RAPGEF5: variants seen among roughly 807,000 people sequenced by gnomAD.
RAPGEF5 encodes the protein M-Ras-regulated GEF.
Under a neutral mutation model 125.2 loss-of-function variants are expected in RAPGEF5, and 65 were observed. The observed-to-expected ratio is 0.52, with a 90% CI of 0.43 to 0.64. The LOEUF (loss-of-function observed/expected upper bound fraction) is 0.64, where lower values mean the gene tolerates loss of function less well. Ranked by LOEUF, RAPGEF5 falls within the 30% of genes least tolerant of loss-of-function variation. The probability of loss-of-function intolerance (pLI) is 0.00; values close to 1 mark genes in which losing one functional copy is unlikely to be tolerated. For synonymous variants in RAPGEF5, 391 were observed against 385.9 expected (o/e 1.01, Z -0.16); for missense variants, 958 against 1,048.1 (o/e 0.91, Z 1.19).
At chr7:22,145,265 G>C in intron 19 of RAPGEF5, 43 bp from the exon 20 acceptor site, 1 of 1,544,736 alleles carries the variant, frequency 6.5e-7, no homozygotes, top group East Asian at 2.3e-5. Flanking sequence ...TTATAGCAAA[G>C]TATGGTTGAT....
rs926940618 is a variant in RAPGEF5, at chr7:22,265,243, T to A, written c.796+1721A>T. ...CCGTCTAACTATACTTTTGTACCCA[T>A]TAACCAACTCTTCATCCCTCCTACC... On this transcript the variant is annotated intron_variant, in intron 7 of 25. Coordinates refer to ENST00000665637, the MANE Select transcript of RAPGEF5 (RefSeq NM_012294.5). Among the ~76,000 whole-genome samples the A allele has an allele frequency of 8.0e-5, 12 of 150,116 alleles. No homozygotes were observed. The Admixed American group carries it at 8.0e-4, about 10-fold the overall frequency.
chr7:22,289,741 T>C (rs1484366887), intron 6 of RAPGEF5, among the ~76,000 whole-genome samples: 1 of 152,210 alleles, frequency 6.6e-6, no homozygotes, highest in Non-Finnish European at 1.5e-5. Flanking sequence ...TCATCTTGGA[T>C]TGTAATCCCC....
intron 1 of RAPGEF5, among the ~76,000 whole-genome samples, chr7:22,355,226 A>G (rs1301792080): frequency 1.3e-5 from 2 of 152,246 alleles, no homozygotes; most frequent in African/African-American, 4.8e-5. Flanking sequence ...ATTCAGAGTA[A>G]TTAAAAAATA....
intron 24 of RAPGEF5, 35 bp from the exon 25 acceptor site, chr7:22,125,693 G>A: frequency 1.9e-6 from 3 of 1,556,954 alleles, no homozygotes; most frequent in Non-Finnish European, 2.7e-6. Flanking sequence ...TCAATGGAAG[G>A]GTCGTTGAGG....
At chr7:22,301,021 G>A (rs552315704) in intron 5 of RAPGEF5, among the ~76,000 whole-genome samples, 1 of 152,294 alleles carries the variant, frequency 6.6e-6, no homozygotes, top group Non-Finnish European at 1.5e-5. Flanking sequence ...AAAAGAAACG[G>A]AAAGGGAAAA....
At chr7:22,212,059 C>T (rs925815012) in intron 9 of RAPGEF5, among the ~76,000 whole-genome samples, 3 of 151,590 alleles carry the variant, frequency 2.0e-5, no homozygotes, top group African/African-American at 4.9e-5. Context: ...CACCGCCTCC[C>T]GGATTCACGC....
At position 22,357,128 on chromosome 7, in the gene RAPGEF5, T is replaced by C; in HGVS notation, c.-68A>G. On this transcript the variant is annotated 5_prime_UTR_variant, in exon 1 of 26. Transcript: ENST00000665637. ...CTCGCCTCCGCGCGCCGTCCGCGCC[T>C]TCGCCAGGAAGCGAGAGGGCGCGAC... is the stretch of plus-strand genomic sequence containing the variant. The C allele has an allele frequency of 1.1e-6, 1 of 882,976 alleles. No homozygotes were observed. The highest frequency in any genetic ancestry group is 1.4e-6 in the Non-Finnish European group (1 of 731,432). The allele number at this position is 882,976 out of a possible 1,614,324, so 54.7% of individuals were successfully genotyped here.
intron 1 of RAPGEF5, among the ~76,000 whole-genome samples, chr7:22,328,465 C>T (rs1050931870): frequency 6.6e-6 from 1 of 152,180 alleles, no homozygotes; most frequent in African/African-American, 2.4e-5. Flanking sequence ...AGTGTAACAA[C>T]CTGCCATCAC....
chr7:22,198,650 A>G (rs1359908672), intron 9 of RAPGEF5, among the ~76,000 whole-genome samples: 1 of 152,228 alleles, frequency 6.6e-6, no homozygotes, highest in Non-Finnish European at 1.5e-5. Flanking sequence ...GCCATATGCA[A>G]CAAACAGAAC....
intron 7 of RAPGEF5, among the ~76,000 whole-genome samples, chr7:22,247,722 C>G (rs1048029528): frequency 6.6e-6 from 1 of 150,770 alleles, no homozygotes; most frequent in African/African-American, 2.4e-5. Flanking sequence ...TAAAACCAAC[C>G]TAGAGACCCA....
At chr7:22,325,029 T>C (rs1783786513) in intron 1 of RAPGEF5, among the ~76,000 whole-genome samples, 1 of 152,188 alleles carries the variant, frequency 6.6e-6, no homozygotes, top group African/African-American at 2.4e-5. Flanking sequence ...TCCCCCTCCA[T>C]GCCTGAGCCC....
At chr7:22,342,798 A>T (rs374811104) in intron 1 of RAPGEF5, among the ~76,000 whole-genome samples, 35 of 152,288 alleles carry the variant, frequency 2.3e-4, no homozygotes, top group African/African-American at 7.9e-4. Flanking sequence ...GAGACCACCT[A>T]AGCCTGGACT....
chr7:22,127,622 A>C (rs772813267), intron 24 of RAPGEF5, among the ~76,000 whole-genome samples: 1 of 152,210 alleles, frequency 6.6e-6, no homozygotes, highest in Non-Finnish European at 1.5e-5. Flanking sequence ...ACTTTGTTTC[A>C]TATCACAATA....
At chr7:22,136,536 TG>T (rs1253352303) in intron 22 of RAPGEF5, among the ~76,000 whole-genome samples, 3 of 152,006 alleles carry the variant, frequency 2.0e-5, no homozygotes, top group African/African-American at 7.2e-5. Context: ...ACTGTTTTTT[TG>T]TATTCTAAAA....
chr7:22,153,615 C>CA (rs1165724260), intron 17 of RAPGEF5, among the ~76,000 whole-genome samples: 1 of 152,154 alleles, frequency 6.6e-6, no homozygotes, highest in Non-Finnish European at 1.5e-5. Context: ...ATTCATCTCC[C>CA]AACTGCAGAA....
intron 9 of RAPGEF5, among the ~76,000 whole-genome samples, chr7:22,217,747 C>A (rs1197338996): frequency 6.6e-6 from 1 of 152,188 alleles, no homozygotes; most frequent in Admixed American, 6.5e-5. Context: ...TATTTACACA[C>A]CATCTTTCCT....
chr7:22,211,745 TTC>T (rs1458138318), intron 9 of RAPGEF5, among the ~76,000 whole-genome samples: 1 of 56,938 alleles, frequency 1.8e-5, no homozygotes, highest in African/African-American at 8.2e-5. Context: ...TCATTTTTCC[TTC>T]CTTCTTGCTT....
rs146621929 is a variant in RAPGEF5 at position 22,284,855 on chromosome 7, A to G, written c.747+6320T>C. 3.3e-5 allele frequency among the ~76,000 whole-genome samples: 5 copies of G among 152,346 alleles called. No homozygotes were observed. The East Asian group carries it at 9.6e-4, about 29-fold the overall frequency. On this transcript the variant is annotated intron_variant, in intron 6 of 25. Coordinates refer to ENST00000665637, the MANE Select transcript of RAPGEF5 (RefSeq NM_012294.5). ...CATTTTTTTGCATTTTTAGAAAAAC[A>G]TATTTCTAAATGTGATAGAAATTCA...
chr7:22,132,985 A>G (rs116770615), intron 23 of RAPGEF5, among the ~76,000 whole-genome samples: 1,723 of 152,304 alleles, frequency 0.011, 25 homozygotes, highest in African/African-American at 0.04. Context: ...AGGCACCTCA[A>G]GTGGAAAGGA....
Sources: allele counts gnomAD v4.1 joint callset (sites outside exome capture counted in the v4.1 genomes callset), GRCh38; gene constraint gnomAD v4.1.1; transcripts MANE v1.5; gene names NCBI Gene and HGNC (gene_info 2026-07-23, HGNC 2026-07-21).